The following IFTAP variants were observed in gnomAD, a reference collection of about 807,000 sequenced individuals.
The protein encoded by IFTAP is intraflagellar transport-associated protein.
Under a neutral mutation model 19.4 loss-of-function variants are expected in IFTAP, and 19 were observed. That is an observed-to-expected ratio of 0.98 (90% CI 0.68 to 1.44). IFTAP has a LOEUF of 1.44. Among genes scored for constraint, IFTAP ranks in the 40% most tolerant of loss-of-function variants. The pLI is 0.00. For synonymous variants in IFTAP, 85 were observed against 83.5 expected (o/e 1.02, Z -0.10); for missense variants, 240 against 253.6 (o/e 0.95, Z 0.36).
intron 4 of IFTAP, among the ~76,000 whole-genome samples, chr11:36,640,702 A>T (rs1259435533): frequency 1.3e-5 from 2 of 152,224 alleles, no homozygotes; most frequent in African/African-American, 4.8e-5. Flanking sequence ...GAGAACTCGT[A>T]TCTAGTACTG....
chr11:36,596,830 G>A (rs1851285326), intron 1 of IFTAP, among the ~76,000 whole-genome samples: 1 of 152,200 alleles, frequency 6.6e-6, no homozygotes, highest in Admixed American at 6.5e-5. Context: ...TAAGGTTGCT[G>A]TAGGAATTGT....
chr11:36,617,629 A>C (rs1229695468), intron 2 of IFTAP, among the ~76,000 whole-genome samples: 2 of 152,018 alleles, frequency 1.3e-5, no homozygotes, highest in African/African-American at 4.8e-5. Flanking sequence ...ATAATTGCTT[A>C]AAGTGTGTTT....
intron 4 of IFTAP, among the ~76,000 whole-genome samples, chr11:36,646,054 A>G (rs1333159107): frequency 6.6e-6 from 1 of 152,184 alleles, no homozygotes; most frequent in Non-Finnish European, 1.5e-5. Flanking sequence ...GAGTCTTGTT[A>G]TTTTGAAAGA....
chr11:36,657,867 T>C (rs1020245187), intron 5 of IFTAP, among the ~76,000 whole-genome samples: 49 of 152,326 alleles, frequency 3.2e-4, no homozygotes, highest in Non-Finnish European at 6.3e-4. Flanking sequence ...AGGTCCTTTC[T>C]GATAAACAGG....
chr11:36,650,740 G>A (rs983941682), intron 5 of IFTAP, among the ~76,000 whole-genome samples: 6 of 151,228 alleles, frequency 4.0e-5, no homozygotes, highest in African/African-American at 1.5e-4. Flanking sequence ...GGTGTGTGAT[G>A]TTCCCCTTCC....
chr11:36,618,007 G>A (rs1414156668), intron 2 of IFTAP, among the ~76,000 whole-genome samples: 2 of 151,920 alleles, frequency 1.3e-5, no homozygotes, highest in Non-Finnish European at 2.9e-5. Context: ...GTATCATCTC[G>A]TTTAATCATT....
rs764791017 is a variant in IFTAP at position 36,648,183 on chromosome 11, C to T, written c.498+28C>T. 1.9e-6 allele frequency: 3 copies of T among 1,604,364 alleles called. No homozygotes were observed. The African/African-American group carries it at 4.0e-5, about 21-fold the overall frequency. The stretch of plus-strand genomic sequence containing the variant: ...ACTCCACAGGGAATTCAGTCATTCT[C>T]CACACTGCCTTGATTTTGTAATTCA... On this transcript the variant is annotated intron_variant, in intron 5 of 5. Transcript: ENST00000334307.
intron 2 of IFTAP, among the ~76,000 whole-genome samples, chr11:36,611,052 G>A (rs1439708823): frequency 6.6e-6 from 1 of 151,996 alleles, no homozygotes; most frequent in Admixed American, 6.6e-5. Context: ...CTTCCTCATG[G>A]CAATATCAAC....
intron 2 of IFTAP, among the ~76,000 whole-genome samples, chr11:36,628,380 C>A (rs1278867312): frequency 6.6e-6 from 1 of 151,292 alleles, no homozygotes; most frequent in Non-Finnish European, 1.5e-5. Flanking sequence ...TCTTTCAAAG[C>A]CCAGCTCAGA....
rs1327181251 is a variant in IFTAP, at chr11:36,633,332, AC to A, written c.186del (p.Asn62LysfsTer37). On this transcript the variant is annotated frameshift_variant, in exon 3 of 6. Transcript: ENST00000334307. LOFTEE classifies it high-confidence loss of function. ...RGVFGTDSSENIFTSAKVTHK... is the reference protein window; with the variant it reads ...RGVFGTDSSEXIFTSAKVTHK... ...GTGTTTGGAACTGATTCTTCAGAAA[AC>A]ATTTTTACCTCAGCAAAAGTTACTC... 6.2e-7 allele frequency: 1 copy of A among 1,602,304 alleles called. No homozygotes were observed. Among genetic ancestry groups the A allele is most frequent in the Admixed American group, 1.7e-5 (1 of 58,324 alleles).
chr11:36,609,458 C>T (rs1401135523), intron 1 of IFTAP, among the ~76,000 whole-genome samples: 1 of 152,080 alleles, frequency 6.6e-6, no homozygotes, highest in Non-Finnish European at 1.5e-5. Context: ...TTGGAATGCT[C>T]AGAGTTACCA....
chr11:36,642,591 C>T (rs139587081), intron 4 of IFTAP, among the ~76,000 whole-genome samples: 14,404 of 152,044 alleles, frequency 0.095, 840 homozygotes, highest in African/African-American at 0.15. Context: ...TCATGAACAT[C>T]GATGCAAAAA....
intron 2 of IFTAP, among the ~76,000 whole-genome samples, chr11:36,630,072 C>T (rs1478398459): frequency 2.6e-5 from 4 of 151,124 alleles, no homozygotes; most frequent in Admixed American, 6.6e-5. Flanking sequence ...GAAGATGAGA[C>T]GAACCCTTGG....
At chr11:36,655,719 T>C (rs1205294152) in intron 5 of IFTAP, among the ~76,000 whole-genome samples, 2 of 152,206 alleles carry the variant, frequency 1.3e-5, no homozygotes, top group African/African-American at 4.8e-5. Flanking sequence ...CTTGCTTTAG[T>C]ATCTCAGTAT....
intron 5 of IFTAP, among the ~76,000 whole-genome samples, chr11:36,656,485 G>T (rs1293866084): frequency 6.6e-6 from 1 of 152,026 alleles, no homozygotes; most frequent in Non-Finnish European, 1.5e-5. Context: ...CAGGAGAATT[G>T]CTTGAACCTG....
chr11:36,609,221 AT>A (rs1851792339), intron 1 of IFTAP, among the ~76,000 whole-genome samples: 1 of 152,208 alleles, frequency 6.6e-6, no homozygotes, highest in African/African-American at 2.4e-5. Flanking sequence ...GACAAATGGA[AT>A]TCTGAGCTGG....
At chr11:36,638,559 A>G (rs1305154918) in intron 4 of IFTAP, among the ~76,000 whole-genome samples, 2 of 152,238 alleles carry the variant, frequency 1.3e-5, no homozygotes, top group East Asian at 3.9e-4. Flanking sequence ...TTAAAGGGAA[A>G]AGAAATTAAA....
intron 2 of IFTAP, among the ~76,000 whole-genome samples, chr11:36,630,804 A>G (rs2133445691): frequency 6.6e-6 from 1 of 151,530 alleles, no homozygotes; most frequent in Non-Finnish European, 1.5e-5. Flanking sequence ...AAGGATGAGC[A>G]GGGAAAACTG....
chr11:36,619,315 A>G (rs1463128916), intron 2 of IFTAP, among the ~76,000 whole-genome samples: 1 of 152,016 alleles, frequency 6.6e-6, no homozygotes, highest in Non-Finnish European at 1.5e-5. Flanking sequence ...CACATTTCCG[A>G]AGTTGACGTA....
Sources: allele counts gnomAD v4.1 joint callset (sites outside exome capture counted in the v4.1 genomes callset), GRCh38; gene constraint gnomAD v4.1.1; transcripts MANE v1.5; gene names NCBI Gene and HGNC (gene_info 2026-07-23, HGNC 2026-07-21).